Variants in BRI3BP observed in about 807,000 individuals in gnomAD.
BRI3BP encodes the protein BRI3-binding protein.
A neutral mutation model predicts 15.8 loss-of-function variants in BRI3BP; 7 were observed. The ratio of observed to expected loss-of-function variants is 0.44; its 90% confidence interval spans 0.25 to 0.83. BRI3BP has a LOEUF of 0.83. Ranked by LOEUF, BRI3BP falls within the 40% of genes least tolerant of loss-of-function variation. BRI3BP has a pLI of 0.20. For synonymous variants in BRI3BP, 192 were observed against 163.5 expected, an observed-to-expected ratio of 1.17 and a Z score of -1.33; for missense variants, 320 against 339.3, an observed-to-expected ratio of 0.94 and a Z score of 0.45.
chr12:125,036,965 GAAAT>G, the BRI3BP span, among the ~76,000 whole-genome samples: 1 of 152,218 alleles, frequency 6.6e-6, no homozygotes, highest in East Asian at 1.9e-4. Flanking sequence ...AGAACTGTGT[GAAAT>G]AAATATTTAG....
At chr12:125,037,691 A>G in the BRI3BP span, among the ~76,000 whole-genome samples, 755 of 152,152 alleles carry the variant, frequency 5.0e-3, 5 homozygotes, top group African/African-American at 0.018. Flanking sequence ...GTGCGCCTGT[A>G]ATCCCAACTA....
chr12:125,008,724 G>A (rs889795822), intron 1 of BRI3BP, among the ~76,000 whole-genome samples: 1 of 152,194 alleles, frequency 6.6e-6, no homozygotes, highest in Admixed American at 6.6e-5. Context: ...GGATGATTCA[G>A]GCGCATTACG....
intron 2 of BRI3BP, among the ~76,000 whole-genome samples, chr12:125,016,446 AAGTTTTCT>A (rs1955244270): frequency 7.0e-6 from 1 of 142,496 alleles, no homozygotes; most frequent in Admixed American, 7.3e-5. Flanking sequence ...AGGTGATGTG[AAGTTTTCT>A]AGTAACCATG....
At chr12:125,045,399 G>A in the BRI3BP span, among the ~76,000 whole-genome samples, 3 of 152,040 alleles carry the variant, frequency 2.0e-5, no homozygotes, top group Admixed American at 2.0e-4. Flanking sequence ...GTGCTGTAGC[G>A]CGATCCCGGC....
intron 2 of BRI3BP, among the ~76,000 whole-genome samples, chr12:125,019,485 G>C (rs1357134847): frequency 3.9e-5 from 6 of 152,040 alleles, no homozygotes; most frequent in Non-Finnish European, 4.4e-5. Context: ...AGGGGTGACT[G>C]TGAGTTCCTC....
At chr12:125,046,103 T>G in the BRI3BP span, among the ~76,000 whole-genome samples, 1 of 151,780 alleles carries the variant, frequency 6.6e-6, no homozygotes, top group African/African-American at 2.4e-5. Context: ...AGGTGGAGGT[T>G]GCAGTGAGCT....
chr12:125,021,379 C>T (rs1955297371), intron 2 of BRI3BP, among the ~76,000 whole-genome samples: 1 of 152,230 alleles, frequency 6.6e-6, no homozygotes, highest in Admixed American at 6.5e-5. Context: ...TGGATTTGCG[C>T]TTGCCCACTC....
the BRI3BP span, among the ~76,000 whole-genome samples, chr12:125,042,701 A>AT: frequency 6.6e-6 from 1 of 151,724 alleles, no homozygotes; most frequent in Non-Finnish European, 1.5e-5. Flanking sequence ...CGCCCAGCTA[A>AT]TTTTTTTGTA....
the BRI3BP span, among the ~76,000 whole-genome samples, chr12:125,050,988 C>G: frequency 3.4e-4 from 52 of 152,158 alleles, no homozygotes; most frequent in Non-Finnish European, 1.3e-4. Context: ...AGCCTGGCTA[C>G]TGAAGAGAGA....
chr12:125,034,449 G>A (rs1020297910), downstream of BRI3BP, among the ~76,000 whole-genome samples: 1 of 152,154 alleles, frequency 6.6e-6, no homozygotes, highest in Non-Finnish European at 1.5e-5. Context: ...TTTCATATAT[G>A]CGTACACCAT....
intron 2 of BRI3BP, among the ~76,000 whole-genome samples, chr12:125,017,194 AT>A (rs552937858): frequency 1.1e-4 from 16 of 145,714 alleles, no homozygotes; most frequent in South Asian, 1.1e-3. Flanking sequence ...TAATTTTTGT[AT>A]TTTTTTTTAG....
chr12:125,043,108 T>C, the BRI3BP span, among the ~76,000 whole-genome samples: 3 of 152,124 alleles, frequency 2.0e-5, no homozygotes, highest in Non-Finnish European at 2.9e-5. Context: ...GTGTTTCAGC[T>C]ATGAGGCAGT....
Position 125,025,149 on chromosome 12 carries a change from T to C in BRI3BP, c.475T>C (p.Trp159Arg). Residue 159 changes from tryptophan to arginine, a missense_variant, in exon 3 of 3, where the codon TGG becomes CGG. Physicochemically the swap from Trp to Arg is moderately radical, Grantham distance 101. Transcript: ENST00000341446. Reference sequence around the variant, plus strand: ...GCACGTGGTGTTCGGCCGCTTCTTCTGGATCGTGCGGGTCGTCCTGTTTTC... The same window carrying C: ...GCACGTGGTGTTCGGCCGCTTCTTCCGGATCGTGCGGGTCGTCCTGTTTTC... ...VLHVVFGRFF[W>R]IVRVVLFSMS... 6.2e-7 allele frequency: 1 copy of C among 1,614,166 alleles called. No individual in the cohort carries two copies. The highest frequency in any genetic ancestry group is 8.5e-7 in the Non-Finnish European group (1 of 1,180,040).
chr12:125,019,479 G>A (rs898752151), intron 2 of BRI3BP, among the ~76,000 whole-genome samples: 1 of 152,038 alleles, frequency 6.6e-6, no homozygotes, highest in Non-Finnish European at 1.5e-5. Context: ...GTTAGGAGGG[G>A]TGACTGTGAG....
intron 1 of BRI3BP, among the ~76,000 whole-genome samples, chr12:125,011,093 T>TAAA (rs35697952): frequency 3.2e-5 from 3 of 93,456 alleles, no homozygotes; most frequent in East Asian, 6.8e-4. Flanking sequence ...GACCCTGTCT[T>TAAA]AAAAAAAAAA....
chr12:125,023,236 GGCT>G (rs1459730957), intron 2 of BRI3BP, among the ~76,000 whole-genome samples: 3 of 152,100 alleles, frequency 2.0e-5, no homozygotes, highest in Non-Finnish European at 4.4e-5. Flanking sequence ...CGGGTTTGAT[GGCT>G]CTGATGCATG....
intron 1 of BRI3BP, 124 bp downstream of exon 1, chr12:124,994,127 G>T: frequency 1.6e-6 from 1 of 638,132 alleles, no homozygotes; most frequent in Non-Finnish European, 2.1e-6. Context: ...GGGAAGAGGG[G>T]GTCCGGCCTG....
At chr12:125,032,373 G>C (rs1332166212), downstream of BRI3BP, among the ~76,000 whole-genome samples, 2 of 152,178 alleles carry the variant, frequency 1.3e-5, no homozygotes, top group Non-Finnish European at 2.9e-5. Flanking sequence ...CAGGAGAATT[G>C]CTTGAACCCA....
At position 125,025,768 on chromosome 12, in the gene BRI3BP, G is replaced by T. The variant is rs139807689; in HGVS notation, c.*338G>T. ...TTTCAAGCATTTAAATACATCTTTT[G>T]TAAGGTTTTTTAATAAAGGCAGATT... is the stretch of plus-strand genomic sequence containing the variant. On this transcript the variant is annotated 3_prime_UTR_variant, in exon 3 of 3. Coordinates refer to ENST00000341446, the MANE Select transcript of BRI3BP (RefSeq NM_080626.6). 1.6e-3 allele frequency: 305 copies of T among 189,998 alleles called. No homozygotes were observed. Among genetic ancestry groups the T allele is most frequent in the African/African-American group, 6.1e-3 (261 of 43,068 alleles). 11.8% of individuals were successfully genotyped at this position (189,998 alleles called of 1,614,324 possible). A position where few individuals can be genotyped will look rare whatever the true frequency, so the allele number is the denominator to read the frequency against.
Sources: gnomAD v4.1 joint callset for allele counts (sites outside exome capture counted in the v4.1 genomes callset) on GRCh38, gnomAD v4.1.1 for gene constraint, MANE v1.5 for transcripts, NCBI Gene and HGNC (gene_info 2026-07-23, HGNC 2026-07-21) for gene names.